The following MIDEAS variants were observed in gnomAD, a reference collection of about 807,000 sequenced individuals.
The protein encoded by MIDEAS is mitotic deacetylase associated SANT domain protein, also known as mitotic deacetylase-associated SANT domain protein.
Under a neutral mutation model 102.7 loss-of-function variants are expected in MIDEAS, and 26 were observed. That is an observed-to-expected ratio of 0.25 (90% CI 0.19 to 0.35). The LOEUF is 0.35. MIDEAS is among the 10% of genes least tolerant of loss of function. The pLI is 1.00. For missense variants in MIDEAS, 1,231 were observed against 1,435.6 expected (o/e 0.86, Z 2.30); for synonymous variants, 585 against 591.0 (o/e 0.99, Z 0.15).
At chr14:73,733,959 C>T (rs1595263084) in intron 3 of MIDEAS, among the ~76,000 whole-genome samples, 2 of 151,760 alleles carry the variant, frequency 1.3e-5, no homozygotes, top group Admixed American at 6.6e-5. Flanking sequence ...TTCCAAAGTG[C>T]TGAGATTACA....
In MIDEAS at chr14:73,725,380, C is replaced by T. The variant is rs2053046863; in HGVS notation, c.2486-20G>A. On this transcript the variant is annotated intron_variant, in intron 8 of 12. Coordinates refer to ENST00000423556, the MANE Select transcript of MIDEAS (RefSeq NM_001367710.1). The surrounding 1 kb of genome is among the most constrained non-coding windows in gnomAD (Gnocchi z 4.1). ...CAGAGCCTATGGGGCAAAGAGGCAG[C>T]CAGGGAGTGAGGTGGGCAGGGCCCT... 1.2e-6 allele frequency: 2 copies of T among 1,609,800 alleles called. No homozygotes were observed.
chr14:73,726,723 C>CG lies in MIDEAS; in HGVS notation c.2306-17_2306-16insC, dbSNP rs1566584835. 6.2e-7 allele frequency: 1 copy of CG among 1,614,024 alleles called. No individual in the cohort carries two copies. The highest frequency in any genetic ancestry group is 1.1e-5 in the South Asian group (1 of 91,066). On this transcript the variant is annotated splice_polypyrimidine_tract_variant and intron_variant, in intron 6 of 12. Transcript: ENST00000423556. ...AGGTCTTCCACTGGATCCACAGGAG[C>CG]ATGAGGAGGGAGGGGAGGAAACCAC...
rs1458280236 is a variant in MIDEAS, at chr14:73,718,875, G to A, written c.3268C>T (p.Arg1090Trp). 1.3e-6 allele frequency: 2 copies of A among 1,512,516 alleles called. No individual in the cohort carries two copies. The highest frequency in any genetic ancestry group is 1.8e-6 in the Non-Finnish European group (2 of 1,136,848). 93.7% of individuals were successfully genotyped at this position (1,512,516 alleles called of 1,614,324 possible). A position where few individuals can be genotyped will look rare whatever the true frequency, so the allele number is the denominator to read the frequency against. The change falls in exon 13 of 13, where the codon CGG becomes TGG. Residue 1090 changes from arginine to tryptophan, a missense_variant. Coordinates refer to ENST00000423556, the MANE Select transcript of MIDEAS (RefSeq NM_001367710.1). ...TTGTCGCCCGCACCGCTCTCCTCCC[G>A]CAGGGCCTGCTGGTGGGCGGCGGCG... ...AAAAAHQQAL[R>W]EESGAGDKG
rs1376978956 is a variant in MIDEAS, at chr14:73,739,720, A to G, written c.289T>C (p.Trp97Arg). 1 of 1,613,922 alleles carries G rather than the reference A, an allele frequency of 6.2e-7. No individual in the cohort carries two copies. Among genetic ancestry groups the G allele is most frequent in the Admixed American group, 1.7e-5 (1 of 60,018 alleles). ...MLSQQVASVK[W>R]PNSVMAPGRG... ...CCTGGAGCCATCACAGAGTTGGGCCACTTTACTGAGGCCACCTGCTGGGAC... is the reference window on the plus strand; with the variant it reads ...CCTGGAGCCATCACAGAGTTGGGCCGCTTTACTGAGGCCACCTGCTGGGAC... The change falls in exon 2 of 13, where the codon TGG (tryptophan) becomes CGG (arginine). Residue 97 changes from tryptophan to arginine, a missense_variant. Trp to Arg is a moderately radical substitution (Grantham distance 101). Coordinates refer to ENST00000423556, the MANE Select transcript of MIDEAS (RefSeq NM_001367710.1).
intron 12 of MIDEAS, 107 bp downstream of exon 12, chr14:73,719,198 G>A: frequency 6.6e-7 from 1 of 1,504,318 alleles, no homozygotes; most frequent in Non-Finnish European, 8.9e-7. Flanking sequence ...AACCAGAAAC[G>A]AGGCGGACAC....
At chr14:73,774,763 A>G (rs2053674992) in intron 1 of MIDEAS, among the ~76,000 whole-genome samples, 2 of 151,966 alleles carry the variant, frequency 1.3e-5, no homozygotes, top group Non-Finnish European at 2.9e-5. Context: ...ACCAGCAAGC[A>G]CTAAGGGAGG....
At chr14:73,719,553 G>A (rs1209454029) in intron 11 of MIDEAS, 52 bp from the exon 12 acceptor site, 4 of 1,564,820 alleles carry the variant, frequency 2.6e-6, no homozygotes, top group Non-Finnish European at 1.7e-6. Flanking sequence ...GCGCAGATCT[G>A]GAATTCTAAA....
chr14:73,778,662 A>G (rs2053715210), intron 1 of MIDEAS, among the ~76,000 whole-genome samples: 1 of 151,902 alleles, frequency 6.6e-6, no homozygotes, highest in Non-Finnish European at 1.5e-5. Flanking sequence ...GTGGCCTGCA[A>G]TGGGGAGGCT....
chr14:73,741,203 T>C (rs2140127409), intron 1 of MIDEAS, among the ~76,000 whole-genome samples: 1 of 152,374 alleles, frequency 6.6e-6, no homozygotes, highest in Middle Eastern at 3.4e-3. Context: ...TTCTCCACGA[T>C]AATGTCATGA....
intron 1 of MIDEAS, among the ~76,000 whole-genome samples, chr14:73,785,989 C>G (rs951210730): frequency 3.3e-5 from 5 of 152,254 alleles, no homozygotes; most frequent in Admixed American, 3.3e-4. Context: ...CGAGGTCTTG[C>G]ACAATAGCCT....
rs940716261 is a variant in MIDEAS, at chr14:73,718,035, C to G, written c.*808G>C. On this transcript the variant is annotated 3_prime_UTR_variant, in exon 13 of 13. Coordinates refer to ENST00000423556, the MANE Select transcript of MIDEAS (RefSeq NM_001367710.1). ...GGTATTCAGCCAAAAAGGTGGGAAG[C>G]AGGAAGAGCCAGGCTTGTCAAAAGC... 13 of 152,476 alleles carry G rather than the reference C, an allele frequency of 8.5e-5. No homozygotes were observed. The highest frequency in any genetic ancestry group is 2.9e-4 in the African/African-American group (12 of 41,458). The allele number at this position is 152,476 out of a possible 1,614,324, so 9.4% of individuals were successfully genotyped here. A position where few individuals can be genotyped will look rare whatever the true frequency, so the allele number is the denominator to read the frequency against.
intron 9 of MIDEAS, chr14:73,723,350 ATG>A (rs2140098108): frequency 6.5e-6 from 1 of 153,688 alleles, no homozygotes; most frequent in African/African-American, 2.4e-5. Flanking sequence ...GGGTTTTGCC[ATG>A]TTGGCCAGCC....
Position 73,715,644 on chromosome 14 carries a change from T to C in MIDEAS, c.*3199A>G, listed in dbSNP as rs2052874562. Reference sequence around the variant, plus strand: ...CCTACTTCCTGTAAACCTATGGAGTTAGGCTTGCCAGTCTGATAATAAATA... The same window carrying C: ...CCTACTTCCTGTAAACCTATGGAGTCAGGCTTGCCAGTCTGATAATAAATA... On this transcript the variant is annotated 3_prime_UTR_variant, in exon 13 of 13. Coordinates refer to ENST00000423556, the MANE Select transcript of MIDEAS (RefSeq NM_001367710.1). The C allele has an allele frequency of 6.6e-6, 1 of 152,516 alleles. No individual in the cohort carries two copies. Among genetic ancestry groups the C allele is most frequent in the Non-Finnish European group, 1.5e-5 (1 of 68,042 alleles). 9.4% of individuals were successfully genotyped at this position (152,516 alleles called of 1,614,324 possible). A position where few individuals can be genotyped will look rare whatever the true frequency, so the allele number is the denominator to read the frequency against.
rs749840465 is a variant in MIDEAS, at chr14:73,719,491, A to T, written c.2948T>A (p.Ile983Asn). The T allele has an allele frequency of 6.2e-7, 1 of 1,613,434 alleles. No individual in the cohort carries two copies. The highest frequency in any genetic ancestry group is 1.3e-5 in the African/African-American group (1 of 74,882). Residue 983 changes from isoleucine (I) to asparagine (N), a missense_variant, in exon 12 of 13, where the codon ATC (isoleucine) becomes AAC (asparagine). Ile to Asn is a moderately radical substitution (Grantham distance 149, BLOSUM62 -3). This residue lies in a region of MIDEAS where 391 missense variants were observed against 483.0 expected (regional missense o/e 0.81). Transcript: ENST00000423556. ...GGACTCGTGGCTCCGGAGGATGAGGATGTCACTGGCCTGAAGAAAATCAAA... is the reference window on the plus strand; with the variant it reads ...GGACTCGTGGCTCCGGAGGATGAGGTTGTCACTGGCCTGAAGAAAATCAAA... ...TLQANESASD[I>N]LILRSHESNA...
upstream of MIDEAS, among the ~76,000 whole-genome samples, chr14:73,762,774 C>T (rs1271588263): frequency 6.6e-6 from 1 of 152,160 alleles, no homozygotes; most frequent in East Asian, 1.9e-4. Context: ...AGACCTTATC[C>T]ACAGAGTTGG....
chr14:73,755,661 C>T (rs535677339), intron 1 of MIDEAS, among the ~76,000 whole-genome samples: 119 of 152,348 alleles, frequency 7.8e-4, no homozygotes, highest in African/African-American at 2.8e-3. Context: ...GGCTGCAGGG[C>T]CACAGTCCCT....
In MIDEAS at chr14:73,726,015, C is replaced by T. The variant is rs2053055278; in HGVS notation, c.2485+18G>A. Reference sequence around the variant, plus strand: ...CTCTTGAGGCTCCAGGCACCATGCCCACCGCAGCCAGGCCCACCTGTGTAG... The same window carrying T: ...CTCTTGAGGCTCCAGGCACCATGCCTACCGCAGCCAGGCCCACCTGTGTAG... On this transcript the variant is annotated intron_variant, in intron 8 of 12. Coordinates refer to ENST00000423556, the MANE Select transcript of MIDEAS (RefSeq NM_001367710.1). 3.2e-6 allele frequency: 5 copies of T among 1,576,194 alleles called. 1 individual carries two copies. The Admixed American group carries it at 7.5e-5, about 24-fold the overall frequency.
At chr14:73,783,813 G>A (rs2053779254) in intron 1 of MIDEAS, among the ~76,000 whole-genome samples, 1 of 152,232 alleles carries the variant, frequency 6.6e-6, no homozygotes, top group African/African-American at 2.4e-5. Context: ...AGAACTGCCA[G>A]CCGTGGTGTC....
At chr14:73,786,230 A>G (rs747935018) in intron 1 of MIDEAS, among the ~76,000 whole-genome samples, 1 of 152,180 alleles carries the variant, frequency 6.6e-6, no homozygotes. Context: ...CTCTGCAGGA[A>G]TGTCCCAAAC....
Sources: allele counts gnomAD v4.1 joint callset (sites outside exome capture counted in the v4.1 genomes callset), GRCh38; gene constraint gnomAD v4.1.1; regional missense constraint gnomAD v4.1.1; non-coding constraint Gnocchi (gnomAD v3.1); transcripts MANE v1.5; gene names NCBI Gene and HGNC (gene_info 2026-07-23, HGNC 2026-07-21).